TTC7B: variants seen among roughly 807,000 people sequenced by gnomAD.
TTC7B encodes tetratricopeptide repeat domain 7B.
A neutral mutation model predicts 106.8 loss-of-function variants in TTC7B; 28 were observed. The observed-to-expected ratio is 0.26, with a 90% CI of 0.19 to 0.36. The LOEUF is 0.36. TTC7B is among the 10% of genes least tolerant of loss of function. The pLI is 1.00. For synonymous variants in TTC7B, 405 were observed against 430.6 expected (o/e 0.94, Z 0.74); for missense variants, 862 against 1,076.4 (o/e 0.80, Z 2.79).
chr14:90,681,985 A>C (rs1411682338), intron 7 of TTC7B, among the ~76,000 whole-genome samples: 2 of 152,158 alleles, frequency 1.3e-5, no homozygotes, highest in South Asian at 2.1e-4. Flanking sequence ...CTTGCAAATA[A>C]AGCAGTAACA....
At chr14:90,739,714 G>A (rs535017051) in intron 4 of TTC7B, among the ~76,000 whole-genome samples, 1 of 152,152 alleles carries the variant, frequency 6.6e-6, no homozygotes, top group Admixed American at 6.5e-5. Flanking sequence ...AGGGTGTAGA[G>A]AAATGAACTG....
chr14:90,660,252 T>C (rs1886135312), intron 9 of TTC7B, among the ~76,000 whole-genome samples: 1 of 150,190 alleles, frequency 6.7e-6, no homozygotes, highest in Non-Finnish European at 1.5e-5. Flanking sequence ...TAGCTGGGTA[T>C]GGTAGTGCAC....
Position 90,787,410 on chromosome 14 carries a change from A to AATAT in TTC7B, c.122-1086_122-1083dup, listed in dbSNP as rs1891430879. Among the ~76,000 whole-genome samples the AATAT allele has an allele frequency of 3.3e-5, 5 of 152,212 alleles. No homozygotes were observed. In the South Asian group the frequency reaches 1.0e-3, roughly 32 times the overall value. The stretch of plus-strand genomic sequence containing the variant: ...ATGGGACAGAACATAATTGTATTAA[A>AATAT]ATATAAAATCAGTTTTAAAAGGTCT... On this transcript the variant is annotated intron_variant, in intron 1 of 19. Coordinates refer to ENST00000328459, the MANE Select transcript of TTC7B (RefSeq NM_001010854.2).
At chr14:90,652,620 A>G (rs750443861) in intron 13 of TTC7B, among the ~76,000 whole-genome samples, 7 of 152,232 alleles carry the variant, frequency 4.6e-5, no homozygotes, top group Non-Finnish European at 1.0e-4. Context: ...ATTAGGAATG[A>G]ATAAAATGTG....
chr14:90,609,366 C>T (rs958104087), intron 17 of TTC7B, among the ~76,000 whole-genome samples: 6 of 152,230 alleles, frequency 3.9e-5, no homozygotes, highest in African/African-American at 1.4e-4. Context: ...ACTTTTGGAT[C>T]TGATTTCTCA....
At chr14:90,718,934 G>A (rs909448855) in intron 5 of TTC7B, among the ~76,000 whole-genome samples, 1 of 151,566 alleles carries the variant, frequency 6.6e-6, no homozygotes, top group Admixed American at 6.6e-5. Flanking sequence ...TGGGGGCAAA[G>A]GGTTAAATTC....
At chr14:90,653,722 G>A (rs1885829947) in intron 12 of TTC7B, among the ~76,000 whole-genome samples, 1 of 152,194 alleles carries the variant, frequency 6.6e-6, no homozygotes, top group Non-Finnish European at 1.5e-5. Context: ...AGGCTGCCAG[G>A]GGGTCAATGT....
rs116205945 is a variant in TTC7B, at chr14:90,712,857, T to C, written c.698+17218A>G. On this transcript the variant is annotated intron_variant, in intron 5 of 19. Transcript: ENST00000328459. ...ACTAAGTTGGAGGACTTATACTACC[T>C]AATTTCAAAACTTACTATAAAGCTA... 7.6e-3 allele frequency among the ~76,000 whole-genome samples: 1,160 copies of C among 152,290 alleles called. 17 individuals are homozygous for C. Among genetic ancestry groups the C allele is most frequent in the African/African-American group, 0.027 (1,102 of 41,556 alleles).
At chr14:90,581,080 G>A (rs528223609) in intron 18 of TTC7B, among the ~76,000 whole-genome samples, 24 of 152,268 alleles carry the variant, frequency 1.6e-4, no homozygotes, top group African/African-American at 5.3e-4. Context: ...AGCGGGCCTC[G>A]CCTGGCCCAG....
intron 19 of TTC7B, among the ~76,000 whole-genome samples, chr14:90,547,625 G>A (rs375044422): frequency 3.9e-5 from 6 of 152,184 alleles, no homozygotes; most frequent in East Asian, 1.9e-4. Context: ...GTGAAACTCC[G>A]TCGCCACTAA....
intron 9 of TTC7B, among the ~76,000 whole-genome samples, chr14:90,664,812 T>C (rs1056627833): frequency 1.3e-5 from 2 of 151,992 alleles, no homozygotes; most frequent in Admixed American, 1.3e-4. Context: ...GTAATGGGGG[T>C]TAAATGCAGA....
intron 15 of TTC7B, among the ~76,000 whole-genome samples, chr14:90,626,644 CA>C (rs1884455049): frequency 6.6e-6 from 1 of 152,220 alleles, no homozygotes; most frequent in Non-Finnish European, 1.5e-5. Flanking sequence ...TCAGCAAATT[CA>C]AACTTTTTTG....
At chr14:90,781,782 A>G (rs543503862) in intron 2 of TTC7B, among the ~76,000 whole-genome samples, 15 of 152,240 alleles carry the variant, frequency 9.9e-5, no homozygotes, top group African/African-American at 3.6e-4. Flanking sequence ...CTAGAGGCTA[A>G]GGGCTGGAAG....
intron 5 of TTC7B, among the ~76,000 whole-genome samples, chr14:90,729,610 C>G (rs1315064560): frequency 6.6e-6 from 1 of 152,214 alleles, no homozygotes; most frequent in Non-Finnish European, 1.5e-5. Context: ...TCTTAAAAGC[C>G]TTTTCAAAGC....
chr14:90,778,914 G>A (rs1891121207), intron 3 of TTC7B, among the ~76,000 whole-genome samples: 2 of 152,196 alleles, frequency 1.3e-5, no homozygotes, highest in African/African-American at 4.8e-5. Flanking sequence ...CTTAACAAGT[G>A]TGCCCCGGGC....
intron 3 of TTC7B, among the ~76,000 whole-genome samples, chr14:90,765,535 T>C (rs781137115): frequency 6.6e-6 from 1 of 152,180 alleles, no homozygotes; most frequent in Non-Finnish European, 1.5e-5. Context: ...TGGTGGACTA[T>C]GAAGCACCAG....
chr14:90,804,241 G>A (rs957960578), intron 1 of TTC7B, among the ~76,000 whole-genome samples: 7 of 152,124 alleles, frequency 4.6e-5, no homozygotes, highest in African/African-American at 1.7e-4. Flanking sequence ...GGCTGAGGCA[G>A]GAGAATGGCG....
intron 3 of TTC7B, among the ~76,000 whole-genome samples, chr14:90,776,519 T>A (rs1454410430): frequency 1.3e-5 from 2 of 152,144 alleles, no homozygotes; most frequent in African/African-American, 4.8e-5. Context: ...CAAATATCAT[T>A]GACTCTTCCC....
At chr14:90,651,673 C>G (rs924772561) in intron 13 of TTC7B, among the ~76,000 whole-genome samples, 3 of 152,182 alleles carry the variant, frequency 2.0e-5, no homozygotes, top group Admixed American at 2.0e-4. Context: ...AGCACAGAGA[C>G]AGGAGATCTG....
Sources: allele counts gnomAD v4.1 joint callset (sites outside exome capture counted in the v4.1 genomes callset), GRCh38; gene constraint gnomAD v4.1.1; transcripts MANE v1.5; gene names NCBI Gene and HGNC (gene_info 2026-07-23, HGNC 2026-07-21).